Variants in CENATAC observed in about 807,000 individuals in gnomAD.
CENATAC encodes the protein coiled-coil domain containing 84.
A neutral mutation model predicts 53.7 loss-of-function variants in CENATAC; 53 were observed. That is an observed-to-expected ratio of 0.99 (90% CI 0.79 to 1.24). The LOEUF (loss-of-function observed/expected upper bound fraction) is 1.24. Among genes scored for constraint, CENATAC ranks in the 50% most tolerant of loss-of-function variants. The probability of loss-of-function intolerance (pLI) is 0.00; values close to 1 mark genes in which losing one functional copy is unlikely to be tolerated. For missense variants in CENATAC, 474 were observed against 417.8 expected (o/e 1.13, Z -1.17); for synonymous variants, 156 against 144.6 (o/e 1.08, Z -0.57).
intron 3 of CENATAC, chr11:119,005,835 T>C (rs1482796331): frequency 2.6e-5 from 4 of 152,098 alleles, no homozygotes; most frequent in African/African-American, 9.7e-5. Flanking sequence ...AGAGAGAAAC[T>C]TCCTGGTGAT....
At chr11:119,012,781 C>A (rs60065241) in intron 7 of CENATAC, 44,511 of 165,018 alleles carry the variant, frequency 0.27, 6,856 homozygotes, top group African/African-American at 0.43. Context: ...TGTCTAAAAC[C>A]TGCTTTCCTT....
In CENATAC at chr11:119,014,066, G is replaced by T. The variant is rs985302266; in HGVS notation, c.715+804G>T. On this transcript the variant is annotated intron_variant, in intron 8 of 10. Transcript: ENST00000334418. ...ACTGGTACAGTCACTTTGGAAAACAGTTTGGGATACACCTACCACATTATC... is the reference window on the plus strand; with the variant it reads ...ACTGGTACAGTCACTTTGGAAAACATTTTGGGATACACCTACCACATTATC... 4 of 152,310 alleles carry T rather than the reference G, an allele frequency of 2.6e-5. No individual in the cohort carries two copies. In the East Asian group the frequency reaches 7.7e-4, roughly 29 times the overall value. The allele number at this position is 152,310 out of a possible 1,614,324, so 9.4% of individuals were successfully genotyped here.
At chr11:119,013,494 C>T (rs879058522) in intron 8 of CENATAC, among the ~76,000 whole-genome samples, 3 of 144,928 alleles carry the variant, frequency 2.1e-5, no homozygotes, top group East Asian at 2.0e-4. Context: ...GACGGAGTCT[C>T]GCTCTGTCGC....
intron 3 of CENATAC, among the ~76,000 whole-genome samples, chr11:119,005,073 G>GAA (rs11403557): frequency 2.7e-5 from 4 of 149,674 alleles, no homozygotes; most frequent in Non-Finnish European, 5.9e-5. Flanking sequence ...AAAACAGCAA[G>GAA]AAAAAAAAAG....
At chr11:119,013,525 G>A (rs1942979860) in intron 8 of CENATAC, among the ~76,000 whole-genome samples, 3 of 150,320 alleles carry the variant, frequency 2.0e-5, no homozygotes, top group South Asian at 4.2e-4. Context: ...GTGCAGTGGC[G>A]GGATCTCGGC....
chr11:119,002,344 T>A (rs1187259245), intron 3 of CENATAC, among the ~76,000 whole-genome samples: 1 of 73,282 alleles, frequency 1.4e-5, no homozygotes, highest in Non-Finnish European at 2.7e-5. Context: ...GAAAAAAGAT[T>A]TTTTTTTTTT....
intron 3 of CENATAC, among the ~76,000 whole-genome samples, chr11:118,999,862 TC>T (rs1592045622): frequency 6.6e-6 from 1 of 152,228 alleles, no homozygotes; most frequent in East Asian, 1.9e-4. Context: ...CAGGATGGTC[TC>T]GATCTCCTGA....
chr11:119,006,238 CTTT>C (rs369673711), intron 3 of CENATAC, among the ~76,000 whole-genome samples: 3 of 126,990 alleles, frequency 2.4e-5, no homozygotes, highest in Non-Finnish European at 1.7e-5. Context: ...CACACCCAAC[CTTT>C]TTTTTTTTTT....
chr11:119,012,450 A>T, intron 7 of CENATAC, 196 bp downstream of exon 7: 1 of 557,032 alleles, frequency 1.8e-6, no homozygotes, highest in Non-Finnish European at 3.1e-6. Flanking sequence ...ATTGACACTT[A>T]GGAGTGCCAA....
At chr11:119,001,545 A>G (rs1225316975) in intron 3 of CENATAC, 1 of 438,202 alleles carries the variant, frequency 2.3e-6, no homozygotes, top group Non-Finnish European at 4.6e-6. Flanking sequence ...GTAAATCATA[A>G]AAGACTAGTA....
chr11:119,000,957 C>T (rs1942264728), intron 3 of CENATAC, among the ~76,000 whole-genome samples: 1 of 152,044 alleles, frequency 6.6e-6, no homozygotes, highest in African/African-American at 2.4e-5. Context: ...TGCTGGGCAA[C>T]TGCAGCTGTA....
In CENATAC at chr11:119,015,331, T is replaced by TC. The variant is rs1214317268; in HGVS notation, c.836dup (p.Asp280ArgfsTer8). 1.2e-6 allele frequency: 2 copies of TC among 1,611,750 alleles called. No individual in the cohort carries two copies. The highest frequency in any genetic ancestry group is 1.3e-5 in the African/African-American group (1 of 74,602). On this transcript the variant is annotated frameshift_variant, in exon 10 of 11. Coordinates refer to ENST00000334418, the MANE Select transcript of CENATAC (RefSeq NM_198489.3). LOFTEE classifies it high-confidence loss of function. The stretch of plus-strand genomic sequence containing the variant: ...GAGGAAAAACAGAAGTTGAAAAAAC[T>TC]CCCCCCAGACCGAGTTGGGGCCAAC...
chr11:119,001,589 T>C (rs1942300247), intron 3 of CENATAC: 2 of 454,568 alleles, frequency 4.4e-6, no homozygotes, highest in Non-Finnish European at 8.8e-6. Flanking sequence ...TGACATACCT[T>C]TTTAATTTTT....
Position 119,015,428 on chromosome 11 carries a change from C to T in CENATAC, c.927C>T (p.Arg309=). 1 of 1,614,142 alleles carries T rather than the reference C, an allele frequency of 6.2e-7. No individual in the cohort carries two copies. The highest frequency in any genetic ancestry group is 2.2e-5 in the East Asian group (1 of 44,896). ...GCCGCGTCTGGAATAATGGACGCCG[C>T]TGGCAGTCCAGGTATGTGTGTTCAG... ...SFGRVWNNGR[R]WQSRHQFKTE... The change falls in exon 10 of 11, where the codon CGC becomes CGT. Residue 309 remains arginine (R), a synonymous_variant. Transcript: ENST00000334418.
At chr11:118,999,647 C>G (rs1336600913) in intron 3 of CENATAC, among the ~76,000 whole-genome samples, 1 of 151,462 alleles carries the variant, frequency 6.6e-6, no homozygotes, top group African/African-American at 2.4e-5. Context: ...ACGTTTTTTT[C>G]TTTTTTTCTT....
chr11:119,000,201 T>C (rs993266243), intron 3 of CENATAC, among the ~76,000 whole-genome samples: 2 of 152,338 alleles, frequency 1.3e-5, no homozygotes, highest in East Asian at 1.9e-4. Flanking sequence ...AACCATCCTT[T>C]GCCGACATTA....
At chr11:119,000,458 A>G (rs926520420) in intron 3 of CENATAC, among the ~76,000 whole-genome samples, 2 of 138,864 alleles carry the variant, frequency 1.4e-5, no homozygotes, top group Non-Finnish European at 3.1e-5. Context: ...TTTTTTTTAC[A>G]GTGTTCCTTA....
rs781823420 is a variant in CENATAC at position 119,015,337 on chromosome 11, C to T, written c.836C>T (p.Pro279Leu). Reference protein sequence around the residue: ...KEKQKLKKLPPDRVGANFDHS... With the variant: ...KEKQKLKKLPLDRVGANFDHS... ...AAACAGAAGTTGAAAAAACTCCCCC[C>T]AGACCGAGTTGGGGCCAACTTTGAT... The change falls in exon 10 of 11, where the codon CCA becomes CTA. Residue 279 changes from proline to leucine, a missense_variant. Transcript: ENST00000334418. The T allele has an allele frequency of 3.1e-6, 5 of 1,613,718 alleles. No individual in the cohort carries two copies. In the African/African-American group the frequency reaches 4.0e-5, roughly 13 times the overall value.
chr11:119,011,916 T>C (rs1256530334), intron 5 of CENATAC, 23 bp from the exon 6 acceptor site: 1 of 1,612,578 alleles, frequency 6.2e-7, no homozygotes, highest in South Asian at 1.1e-5. Flanking sequence ...CAGACACATT[T>C]ATTTTTCCTG....
Sources: gnomAD v4.1 joint callset for allele counts (sites outside exome capture counted in the v4.1 genomes callset) on GRCh38, gnomAD v4.1.1 for gene constraint, MANE v1.5 for transcripts, NCBI Gene and HGNC (gene_info 2026-07-23, HGNC 2026-07-21) for gene names.